Variants in BCAS1 observed in about 807,000 individuals in gnomAD.
The protein encoded by BCAS1 is brain enriched myelin associated protein 1, also known as breast carcinoma-amplified sequence 1.
Under a neutral mutation model 65.4 loss-of-function variants are expected in BCAS1, and 46 were observed. That is an observed-to-expected ratio of 0.70 (90% CI 0.55 to 0.90). The LOEUF (loss-of-function observed/expected upper bound fraction) is 0.90, where lower values mean the gene tolerates loss of function less well. Ranked by LOEUF, BCAS1 falls within the 40% of genes least tolerant of loss-of-function variation. The pLI is 0.00. For missense variants in BCAS1, 793 were observed against 771.2 expected, an observed-to-expected ratio of 1.03 and a Z score of -0.33; for synonymous variants, 298 against 293.5, an observed-to-expected ratio of 1.02 and a Z score of -0.16.
intron 3 of BCAS1, among the ~76,000 whole-genome samples, chr20:54,036,432 G>C (rs1284291572): frequency 6.6e-6 from 1 of 151,292 alleles, no homozygotes. Context: ...TTTAAAGAAA[G>C]TCATTTTATC....
At chr20:54,010,555 C>T (rs2091297723) in intron 4 of BCAS1, among the ~76,000 whole-genome samples, 1 of 152,084 alleles carries the variant, frequency 6.6e-6, no homozygotes, top group African/African-American at 2.4e-5. Context: ...AACTTGTATG[C>T]TGAAAGCTAT....
intron 9 of BCAS1, among the ~76,000 whole-genome samples, chr20:53,971,256 T>C (rs894913419): frequency 1.3e-5 from 2 of 152,208 alleles, no homozygotes; most frequent in Non-Finnish European, 2.9e-5. Flanking sequence ...ATCCGTTGCA[T>C]GATTCACCCA....
intron 8 of BCAS1, among the ~76,000 whole-genome samples, chr20:53,978,454 C>T (rs951963055): frequency 2.0e-5 from 3 of 151,972 alleles, no homozygotes; most frequent in African/African-American, 7.3e-5. Flanking sequence ...TTAAAAAGTA[C>T]AATAGATAAA....
At chr20:53,990,946 C>T (rs1321667218) in intron 7 of BCAS1, among the ~76,000 whole-genome samples, 2 of 152,184 alleles carry the variant, frequency 1.3e-5, no homozygotes, top group Non-Finnish European at 2.9e-5. Context: ...TGTCTTTTCC[C>T]CATCTACCTC....
chr20:53,998,713 T>G (rs1039359753), intron 4 of BCAS1, among the ~76,000 whole-genome samples: 1 of 152,244 alleles, frequency 6.6e-6, no homozygotes, highest in East Asian at 1.9e-4. Flanking sequence ...AAGCATTACA[T>G]GTACACCAGT....
At chr20:53,958,473 A>G (rs2145559751) in intron 10 of BCAS1, among the ~76,000 whole-genome samples, 1 of 152,352 alleles carries the variant, frequency 6.6e-6, no homozygotes, top group East Asian at 1.9e-4. Flanking sequence ...GGAAGACTCC[A>G]GATTCCACTG....
At chr20:54,035,400 CAA>C (rs1288429763) in intron 3 of BCAS1, among the ~76,000 whole-genome samples, 31 of 62,052 alleles carry the variant, frequency 5.0e-4, no homozygotes, top group South Asian at 2.8e-3. Flanking sequence ...GACTCCGTCT[CAA>C]AAAAAAAAAA....
At chr20:54,013,391 T>C (rs2091363475) in intron 4 of BCAS1, among the ~76,000 whole-genome samples, 1 of 152,118 alleles carries the variant, frequency 6.6e-6, no homozygotes, top group African/African-American at 2.4e-5. Flanking sequence ...CCAGAAGTCA[T>C]GAAAAGGAAG....
intron 3 of BCAS1, among the ~76,000 whole-genome samples, chr20:54,045,960 G>T (rs1387917948): frequency 1.3e-5 from 2 of 152,088 alleles, no homozygotes; most frequent in Admixed American, 1.3e-4. Flanking sequence ...TGTTAGCTTG[G>T]GTGTCCTTGG....
intron 12 of BCAS1, among the ~76,000 whole-genome samples, chr20:53,950,818 A>T (rs1019216035): frequency 7.9e-5 from 12 of 152,126 alleles, no homozygotes; most frequent in African/African-American, 2.9e-4. Flanking sequence ...AGTCAACCCA[A>T]CCAGTCAACC....
At chr20:54,001,884 A>T (rs1404127796) in intron 4 of BCAS1, among the ~76,000 whole-genome samples, 2 of 152,188 alleles carry the variant, frequency 1.3e-5, no homozygotes, top group Non-Finnish European at 2.9e-5. Flanking sequence ...TAGGACCAAA[A>T]TCGTGTCTAG....
intron 3 of BCAS1, among the ~76,000 whole-genome samples, chr20:54,044,937 G>A (rs1243465530): frequency 6.6e-6 from 1 of 151,930 alleles, no homozygotes; most frequent in Non-Finnish European, 1.5e-5. Context: ...CCAGAGGAGT[G>A]CTGTGACTCG....
At chr20:53,985,135 T>G in intron 8 of BCAS1, 152 bp downstream of exon 8, 2 of 695,634 alleles carry the variant, frequency 2.9e-6, no homozygotes, top group Non-Finnish European at 4.9e-6. Context: ...AGGAACACAT[T>G]AGAAGGCTTC....
chr20:54,070,477 C>T lies in BCAS1; in HGVS notation c.-50G>A, dbSNP rs1343403820. The T allele has an allele frequency of 1.3e-5, 2 of 152,416 alleles. No homozygotes were observed. The highest frequency in any genetic ancestry group is 6.5e-5 in the Admixed American group (1 of 15,292). 9.4% of individuals were successfully genotyped at this position (152,416 alleles called of 1,614,324 possible). ...GTATCTTCAGTCCCCTCGTGTCACCCGGAGCTGCTCCTGCACAGGGTCCTG... is the reference window on the plus strand; with the variant it reads ...GTATCTTCAGTCCCCTCGTGTCACCTGGAGCTGCTCCTGCACAGGGTCCTG... On this transcript the variant is annotated 5_prime_UTR_variant, in exon 1 of 13. Coordinates refer to ENST00000688948, the MANE Select transcript of BCAS1 (RefSeq NM_001366298.2).
At position 54,016,384 on chromosome 20, in the gene BCAS1, A is replaced by G. The variant is rs115591849; in HGVS notation, c.723+12008T>C. On this transcript the variant is annotated intron_variant, in intron 4 of 12. Transcript: ENST00000688948. ...TGGGGTACGTGTGATAATTTAATAC[A>G]TTCATGTAATTTGTAAAGATCAAAT... 3.0e-3 allele frequency among the ~76,000 whole-genome samples: 450 copies of G among 152,368 alleles called. 2 individuals are homozygous for G. The highest frequency in any genetic ancestry group is 0.01 in the African/African-American group (432 of 41,582).
chr20:54,005,303 A>AAAAAAAACAAAACAAAACAAAACAAAAC (rs2091158540), intron 4 of BCAS1, among the ~76,000 whole-genome samples: 1 of 148,258 alleles, frequency 6.7e-6, no homozygotes, highest in Non-Finnish European at 1.5e-5. Context: ...GAAACAAAGC[A>AAAAAAAACAAAACAAAACAAAACAAAAC]AAAACAAAAC....
chr20:53,997,349 T>A (rs910600064), intron 4 of BCAS1, among the ~76,000 whole-genome samples: 1 of 152,228 alleles, frequency 6.6e-6, no homozygotes, highest in Non-Finnish European at 1.5e-5. Context: ...TGTACCAGCA[T>A]AAATTCTCAT....
At chr20:54,058,983 C>G (rs572068470) in intron 1 of BCAS1, among the ~76,000 whole-genome samples, 13 of 152,232 alleles carry the variant, frequency 8.5e-5, no homozygotes, top group African/African-American at 3.1e-4. Context: ...ACAATCGTGG[C>G]AGAAGACACC....
intron 10 of BCAS1, among the ~76,000 whole-genome samples, chr20:53,960,376 G>A (rs767015705): frequency 6.7e-6 from 1 of 149,340 alleles, no homozygotes; most frequent in Non-Finnish European, 1.5e-5. Context: ...TCAGAAGGCT[G>A]TGTTGACAGC....
Sources: gnomAD v4.1 joint callset for allele counts (sites outside exome capture counted in the v4.1 genomes callset) on GRCh38, gnomAD v4.1.1 for gene constraint, MANE v1.5 for transcripts, NCBI Gene and HGNC (gene_info 2026-07-23, HGNC 2026-07-21) for gene names.